The following STAT3 variants were observed in gnomAD, a reference collection of about 807,000 sequenced individuals.
STAT3 encodes the protein DNA-binding protein APRF.
A neutral mutation model predicts 114.3 loss-of-function variants in STAT3; 7 were observed. The ratio of observed to expected loss-of-function variants is 0.06; its 90% CI spans 0.03 to 0.11. The LOEUF (loss-of-function observed/expected upper bound fraction) is 0.11. Among genes scored for constraint, STAT3 ranks in the 10% least tolerant of loss-of-function variants. The pLI, the probability that STAT3 is intolerant of heterozygous loss-of-function variation, is 1.00. For synonymous variants in STAT3, 331 were observed against 354.5 expected, an observed-to-expected ratio of 0.93 and a Z score of 0.74; for missense variants, 364 against 960.9, an observed-to-expected ratio of 0.38 and a Z score of 8.21.
intron 11 of STAT3, among the ~76,000 whole-genome samples, chr17:42,330,473 G>C (rs1598408370): frequency 7.1e-6 from 1 of 140,008 alleles, no homozygotes; most frequent in African/African-American, 2.7e-5. Flanking sequence ...CTGTCGCCCA[G>C]GCTGGAGTGC....
chr17:42,321,798 T>C lies in STAT3; in HGVS notation c.2101+484A>G, dbSNP rs958934332. ...CCCTTCTCGTGTTTCAGGCATGTTTTGGGGGACGTATGTGTATTGATCCCC... is the reference window on the plus strand; with the variant it reads ...CCCTTCTCGTGTTTCAGGCATGTTTCGGGGGACGTATGTGTATTGATCCCC... On this transcript the variant is annotated intron_variant, in intron 21 of 23. Transcript: ENST00000264657. Among the ~76,000 whole-genome samples the C allele has an allele frequency of 3.9e-5, 6 of 152,190 alleles. No homozygotes were observed. In the South Asian group the frequency reaches 6.2e-4, roughly 16 times the overall value.
intron 21 of STAT3, 70 bp downstream of exon 21, chr17:42,322,212 T>C: frequency 1.4e-6 from 2 of 1,460,500 alleles, no homozygotes; most frequent in East Asian, 2.3e-5. Flanking sequence ...TGCCTATCTA[T>C]CCTCCAAGGA....
At chr17:42,371,707 T>C (rs9897389) in intron 1 of STAT3, among the ~76,000 whole-genome samples, 59,500 of 144,486 alleles carry the variant, frequency 0.41, 12,187 homozygotes, top group South Asian at 0.49. Flanking sequence ...TGAGGCCAGG[T>C]GCGGTGGCTC....
intron 1 of STAT3, among the ~76,000 whole-genome samples, chr17:42,380,404 A>G (rs2084715997): frequency 6.8e-6 from 1 of 148,012 alleles, no homozygotes; most frequent in Non-Finnish European, 1.5e-5. Context: ...GGTTTTTTTG[A>G]GACAGAGTCT....
rs140528629 is a variant in STAT3 at position 42,335,983 on chromosome 17, G to A, written c.797+1452C>T. ...AAGTGAAAGGAGAGGGAGGGGGACCGCTGCAGGGATTTCTGAACTCCTGAG... is the reference window on the plus strand; with the variant it reads ...AAGTGAAAGGAGAGGGAGGGGGACCACTGCAGGGATTTCTGAACTCCTGAG... On this transcript the variant is annotated intron_variant, in intron 8 of 23. Coordinates refer to ENST00000264657, the MANE Select transcript of STAT3 (RefSeq NM_139276.3). Among the ~76,000 whole-genome samples the A allele has an allele frequency of 3.5e-4, 53 of 152,222 alleles. No individual in the cohort carries two copies. In the East Asian group the frequency reaches 5.8e-3, roughly 17 times the overall value.
chr17:42,316,965 A>G, intron 22 of STAT3, 64 bp from the exon 23 acceptor site: 1 of 1,574,688 alleles, frequency 6.4e-7, no homozygotes, highest in South Asian at 1.2e-5. Context: ...TGGAAAAAAA[A>G]AAAAGAACAA....
chr17:42,352,881 CT>C (rs1333724379), intron 1 of STAT3, among the ~76,000 whole-genome samples: 4 of 152,244 alleles, frequency 2.6e-5, no homozygotes, highest in Non-Finnish European at 5.9e-5. Flanking sequence ...CTGAACTATG[CT>C]GTCAATATAA....
intron 21 of STAT3, among the ~76,000 whole-genome samples, chr17:42,318,353 C>T (rs562283112): frequency 6.6e-6 from 1 of 152,158 alleles, no homozygotes; most frequent in South Asian, 2.1e-4. Context: ...TCTTGAACTC[C>T]TGACCTCAGG....
chr17:42,353,860 C>T (rs1001785916), intron 1 of STAT3, among the ~76,000 whole-genome samples: 6 of 152,156 alleles, frequency 3.9e-5, no homozygotes, highest in Middle Eastern at 3.2e-3. Flanking sequence ...AGGCATGAGG[C>T]ATCATGCCCA....
At chr17:42,339,247 C>A (rs1296284550) in intron 5 of STAT3, 67 bp downstream of exon 5, 11 of 1,474,980 alleles carry the variant, frequency 7.5e-6, no homozygotes, top group African/African-American at 7.2e-5. Flanking sequence ...CAGAGCAAGA[C>A]CCTGTCTCAA....
intron 11 of STAT3, among the ~76,000 whole-genome samples, chr17:42,330,976 GT>G (rs529771407): frequency 3.9e-4 from 59 of 152,296 alleles, no homozygotes; most frequent in Non-Finnish European, 6.9e-4. Flanking sequence ...ATTGAGATGT[GT>G]TACAATTGCC....
chr17:42,335,778 G>A (rs1035059782), intron 8 of STAT3, among the ~76,000 whole-genome samples: 4 of 152,060 alleles, frequency 2.6e-5, no homozygotes, highest in African/African-American at 9.7e-5. Flanking sequence ...ACTAAGAATC[G>A]CTTGAACCTG....
chr17:42,331,821 G>A (rs1004593605), intron 10 of STAT3, among the ~76,000 whole-genome samples: 1 of 152,084 alleles, frequency 6.6e-6, no homozygotes, highest in African/African-American at 2.4e-5. Flanking sequence ...GCAGTTACTC[G>A]GGAGGCTGAG....
rs559906999 is a variant in STAT3 at position 42,359,523 on chromosome 17, A to G, written c.-23-10984T>C. ...GATGGCTCTAGGTCCTAAAAAGAGT[A>G]AAAGGTGAAAACACTAAGTGATATT... On this transcript the variant is annotated intron_variant, in intron 1 of 23. Transcript: ENST00000264657. Among the ~76,000 whole-genome samples, 8 of 152,328 alleles carry G rather than the reference A, an allele frequency of 5.3e-5. No homozygotes were observed. The South Asian group carries it at 1.7e-3, about 32-fold the overall frequency.
intron 8 of STAT3, among the ~76,000 whole-genome samples, chr17:42,335,328 C>A (rs1291322662): frequency 1.3e-5 from 2 of 152,056 alleles, no homozygotes; most frequent in Admixed American, 6.6e-5. Flanking sequence ...CACTCTGTCA[C>A]CCAGGCTGAA....
intron 1 of STAT3, among the ~76,000 whole-genome samples, chr17:42,351,114 A>G (rs1325254179): frequency 6.9e-6 from 1 of 144,262 alleles, no homozygotes; most frequent in African/African-American, 2.6e-5. Flanking sequence ...CTGATGACAT[A>G]GCGAGACTCC....
chr17:42,334,713 G>T (rs1598417400), intron 8 of STAT3, among the ~76,000 whole-genome samples: 1 of 152,080 alleles, frequency 6.6e-6, no homozygotes, highest in Non-Finnish European at 1.5e-5. Flanking sequence ...CCGAAGTACT[G>T]GCATTACAGG....
At chr17:42,348,326 G>A in intron 2 of STAT3, 63 bp downstream of exon 2, 1 of 1,593,374 alleles carries the variant, frequency 6.3e-7, no homozygotes, top group Non-Finnish European at 8.6e-7. Context: ...GACATTAAGA[G>A]TTCATGTCTC....
At chr17:42,334,585 C>T (rs953676818) in intron 8 of STAT3, among the ~76,000 whole-genome samples, 3 of 151,880 alleles carry the variant, frequency 2.0e-5, no homozygotes, top group Non-Finnish European at 2.9e-5. Flanking sequence ...GCTGGGATTA[C>T]AGGCACCCAC....
Sources: allele counts gnomAD v4.1 joint callset (sites outside exome capture counted in the v4.1 genomes callset), GRCh38; gene constraint gnomAD v4.1.1; transcripts MANE v1.5; gene names NCBI Gene and HGNC (gene_info 2026-07-23, HGNC 2026-07-21).